Variants in TMEM245 observed in about 807,000 individuals in gnomAD.
TMEM245 encodes transmembrane protein 245, also known as protein CG-2.
TMEM245 carries 69 observed loss-of-function variants against 101.2 expected under a neutral mutation model. That is an observed-to-expected ratio of 0.68 (90% CI 0.56 to 0.83). TMEM245 has a LOEUF of 0.83. Among genes scored for constraint, TMEM245 ranks in the 40% least tolerant of loss-of-function variants. The pLI is 0.00. For synonymous variants in TMEM245, 537 were observed against 449.8 expected (o/e 1.19, Z -2.45); for missense variants, 1,075 against 1,092.8 (o/e 0.98, Z 0.23).
Position 109,057,321 on chromosome 9 carries a change from T to C in TMEM245, c.1724A>G (p.Asn575Ser), listed in dbSNP as rs1828869914. ...TTTGTGCCTTCCAGAGTGTGTTACA[T>C]TCTATGGAATAAAACAGTGCAGACA... is the stretch of plus-strand genomic sequence containing the variant. ...DRLYHSWFVKNVTHSGRHKGQ... is the reference protein window; with the variant it reads ...DRLYHSWFVKSVTHSGRHKGQ... Residue 575 changes from asparagine to serine, a missense_variant and splice_region_variant, in exon 12 of 18, where the codon AAT becomes AGT. Physicochemically the swap from Asn to Ser is conservative, Grantham distance 46 (BLOSUM62 1). Around this residue, in one of 2 missense-constraint regions of TMEM245, gnomAD observed 808 missense variants for 741.5 expected, o/e 1.09. Transcript: ENST00000374586. 2 of 1,613,696 alleles carry C rather than the reference T, an allele frequency of 1.2e-6. No individual in the cohort carries two copies. The highest frequency in any genetic ancestry group is 1.3e-5 in the African/African-American group (1 of 75,028).
At chr9:109,027,728 T>C (rs1181818564) in intron 17 of TMEM245, among the ~76,000 whole-genome samples, 1 of 152,072 alleles carries the variant, frequency 6.6e-6, no homozygotes, top group Non-Finnish European at 1.5e-5. Flanking sequence ...TGCAGTGCAG[T>C]GGTGCAATGT....
At chr9:109,112,215 G>A (rs749602808) in intron 1 of TMEM245, among the ~76,000 whole-genome samples, 5 of 151,878 alleles carry the variant, frequency 3.3e-5, no homozygotes, top group Non-Finnish European at 5.9e-5. Flanking sequence ...TGGGGGAGGG[G>A]GAGAAAAAAG....
At chr9:109,030,613 C>T (rs888929254) in intron 17 of TMEM245, among the ~76,000 whole-genome samples, 40 of 152,146 alleles carry the variant, frequency 2.6e-4, no homozygotes, top group Non-Finnish European at 5.0e-4. Flanking sequence ...TTTCGAGCAC[C>T]GCTGGCTTCT....
At chr9:109,025,673 T>C (rs1827770934) in intron 17 of TMEM245, among the ~76,000 whole-genome samples, 1 of 152,176 alleles carries the variant, frequency 6.6e-6, no homozygotes, top group African/African-American at 2.4e-5. Flanking sequence ...GTGAAAGAAG[T>C]CTATCAAAGC....
intron 4 of TMEM245, 52 bp from the exon 5 acceptor site, chr9:109,091,207 T>C (rs1398530133): frequency 6.7e-7 from 1 of 1,495,144 alleles, no homozygotes; most frequent in Non-Finnish European, 9.2e-7. Flanking sequence ...CATGAGGAAA[T>C]GGGAATACAG....
intron 8 of TMEM245, among the ~76,000 whole-genome samples, chr9:109,077,174 A>G (rs542909068): frequency 1.3e-5 from 2 of 151,784 alleles, no homozygotes; most frequent in South Asian, 2.1e-4. Flanking sequence ...CTTTTGAGAC[A>G]AAGTCTTGCT....
Position 109,032,365 on chromosome 9 carries a change from C to CTTTTTTTTTTTTTTTTTT in TMEM245, c.2594+924_2594+941dup, listed in dbSNP as rs755399182. 3.6e-3 allele frequency among the ~76,000 whole-genome samples: 147 copies of CTTTTTTTTTTTTTTTTTT among 40,978 alleles called. 59 individuals are homozygous for CTTTTTTTTTTTTTTTTTT. Among genetic ancestry groups the CTTTTTTTTTTTTTTTTTT allele is most frequent in the Middle Eastern group, 0.02 (1 of 50 alleles). 26.9% of individuals were successfully genotyped at this position (40,978 alleles called of 152,430 possible). Reference sequence around the variant, plus strand: ...GCATTTGGTTGTCCTATTTCTTTTCCTTTTTTTTTTTTTTTTTTTTTTTTT... The same window carrying CTTTTTTTTTTTTTTTTTT: ...GCATTTGGTTGTCCTATTTCTTTTCCTTTTTTTTTTTTTTTTTTTTTTTTTTTTTTTTTTTTTTTTTTT... On this transcript the variant is annotated intron_variant, in intron 17 of 17. Coordinates refer to ENST00000374586, the MANE Select transcript of TMEM245 (RefSeq NM_032012.4).
At chr9:109,034,938 C>T (rs2132318094) in intron 16 of TMEM245, among the ~76,000 whole-genome samples, 1 of 152,068 alleles carries the variant, frequency 6.6e-6, no homozygotes, top group African/African-American at 2.4e-5. Flanking sequence ...AGGCGGATCA[C>T]TTGAGGTCAG....
intron 4 of TMEM245, among the ~76,000 whole-genome samples, chr9:109,093,154 T>C (rs190292946): frequency 1.8e-4 from 28 of 151,782 alleles, no homozygotes; most frequent in Middle Eastern, 3.4e-3. Context: ...GTGGGAAAGG[T>C]AAATGGAGAC....
At chr9:109,076,194 A>C (rs1196185391) in intron 8 of TMEM245, among the ~76,000 whole-genome samples, 1 of 152,160 alleles carries the variant, frequency 6.6e-6, no homozygotes, top group Non-Finnish European at 1.5e-5. Flanking sequence ...ATGGAATACT[A>C]TGCAGCCATA....
At chr9:109,111,799 G>A (rs1830573958) in intron 1 of TMEM245, among the ~76,000 whole-genome samples, 1 of 152,034 alleles carries the variant, frequency 6.6e-6, no homozygotes, top group South Asian at 2.1e-4. Flanking sequence ...TTATTCGTGT[G>A]TAAATTTATA....
intron 3 of TMEM245, among the ~76,000 whole-genome samples, chr9:109,101,431 A>C (rs896142763): frequency 1.3e-5 from 2 of 152,234 alleles, no homozygotes; most frequent in Non-Finnish European, 2.9e-5. Flanking sequence ...ACTGACTGTA[A>C]GTACAAGAGA....
chr9:109,108,192 G>A (rs1830476775), intron 2 of TMEM245, among the ~76,000 whole-genome samples: 1 of 152,084 alleles, frequency 6.6e-6, no homozygotes, highest in South Asian at 2.1e-4. Flanking sequence ...GAAATGATAT[G>A]AGAATCCAAG....
At chr9:109,062,516 G>A (rs1053824900) in intron 10 of TMEM245, among the ~76,000 whole-genome samples, 2 of 152,094 alleles carry the variant, frequency 1.3e-5, no homozygotes, top group Non-Finnish European at 2.9e-5. Context: ...ATTTTCCCAC[G>A]TTAGTTTACA....
chr9:109,043,084 T>C (rs1329635341), intron 14 of TMEM245, among the ~76,000 whole-genome samples: 1 of 152,186 alleles, frequency 6.6e-6, no homozygotes, highest in African/African-American at 2.4e-5. Flanking sequence ...ATACTGAGCA[T>C]ATAATTATCA....
rs1344617500 is a variant in TMEM245 at position 109,017,909 on chromosome 9, A to G, written c.*2551T>C. On this transcript the variant is annotated 3_prime_UTR_variant, in exon 18 of 18. Transcript: ENST00000374586. ...GGAGGGTTCCAAGACCTCCCCAGCT[A>G]GTGGACCTTCCTAGTCCTTATGCCG... 1 of 152,218 alleles carries G rather than the reference A, an allele frequency of 6.6e-6. No individual in the cohort carries two copies. Among genetic ancestry groups the G allele is most frequent in the Non-Finnish European group, 1.5e-5 (1 of 68,044 alleles). The allele number at this position is 152,218 out of a possible 1,614,324, so 9.4% of individuals were successfully genotyped here.
In TMEM245 at chr9:109,064,460, A is replaced by G. The variant is rs769469417; in HGVS notation, c.1623+17T>C. ...ACCCTGAAAAGAGAAAGCCACAAAGAAAGTTTCTTCCCTTACCTTGTGAGT... is the reference window on the plus strand; with the variant it reads ...ACCCTGAAAAGAGAAAGCCACAAAGGAAGTTTCTTCCCTTACCTTGTGAGT... On this transcript the variant is annotated intron_variant, in intron 10 of 17. Transcript: ENST00000374586. 3.8e-6 allele frequency: 6 copies of G among 1,598,872 alleles called. No homozygotes were observed. The highest frequency in any genetic ancestry group is 2.2e-5 in the East Asian group (1 of 44,810).
chr9:109,048,091 CA>C (rs1167318199), intron 14 of TMEM245, among the ~76,000 whole-genome samples: 4 of 152,180 alleles, frequency 2.6e-5, no homozygotes, highest in African/African-American at 9.7e-5. Context: ...AGCTTCACCC[CA>C]ATTGCTGTTA....
chr9:109,057,701 A>C (rs1244115437), intron 11 of TMEM245, among the ~76,000 whole-genome samples: 1 of 152,146 alleles, frequency 6.6e-6, no homozygotes, highest in East Asian at 1.9e-4. Flanking sequence ...CAGTGAGCCA[A>C]GAATGTACCA....
Sources: allele counts gnomAD v4.1 joint callset (sites outside exome capture counted in the v4.1 genomes callset), GRCh38; gene constraint gnomAD v4.1.1; regional missense constraint gnomAD v4.1.1; transcripts MANE v1.5; gene names NCBI Gene and HGNC (gene_info 2026-07-23, HGNC 2026-07-21).